Variants in MAMLD1 observed in about 807,000 individuals in gnomAD.
The protein encoded by MAMLD1 is mastermind like domain containing 1, also known as mastermind-like domain-containing protein 1.
In MAMLD1, 14 loss-of-function variants were observed where a neutral mutation model predicts 45.0. The ratio of observed to expected loss-of-function variants is 0.31; its 90% CI spans 0.21 to 0.49. The LOEUF (loss-of-function observed/expected upper bound fraction) is 0.49, where lower values mean the gene tolerates loss of function less well. Among genes scored for constraint, MAMLD1 ranks in the 20% least tolerant of loss-of-function variants. MAMLD1 has a pLI of 0.99. For synonymous variants in MAMLD1, 254 were observed against 247.8 expected (o/e 1.02, Z -0.24); for missense variants, 543 against 603.6 (o/e 0.90, Z 1.05).
At position 150,408,669 on chromosome X, in the gene MAMLD1, A is replaced by G. The variant is rs113237434; in HGVS notation, c.-63-36785A>G. Among the ~76,000 whole-genome samples the G allele has an allele frequency of 2.8e-3, 315 of 112,050 alleles. 1 individual carries two copies. The highest frequency in any genetic ancestry group is 9.6e-3 in the African/African-American group (296 of 30,781). On this transcript the variant is annotated intron_variant, in intron 1 of 7. Transcript: ENST00000370401. ...CCCTGTTGGTGTTACTTGAGTCCAA[A>G]TGTTGGCTTAGATGGTGTTTTCAGA...
intron 1 of MAMLD1, among the ~76,000 whole-genome samples, chrX:150,365,420 T>G (rs1476811865): frequency 8.9e-6 from 1 of 112,850 alleles, no homozygotes; most frequent in Non-Finnish European, 1.9e-5. Context: ...TGGACTGCAC[T>G]GCGAGCTGGC....
At chrX:150,482,021 AAAGAAAGAAAG>A (rs2036826937) in intron 5 of MAMLD1, among the ~76,000 whole-genome samples, 1 of 108,311 alleles carries the variant, frequency 9.2e-6, no homozygotes, top group African/African-American at 3.4e-5. Context: ...AGAAAGAAAG[AAAGAAAGAAAG>A]AATTGAAAGC....
chrX:150,440,414 G>A (rs1413214844), intron 1 of MAMLD1, among the ~76,000 whole-genome samples: 1 of 109,646 alleles, frequency 9.1e-6, no homozygotes, highest in Admixed American at 9.7e-5. Context: ...TTTTCTGTAG[G>A]ATATTATGTA....
intron 5 of MAMLD1, among the ~76,000 whole-genome samples, chrX:150,501,629 TTGGG>T (rs1370864111): frequency 2.7e-5 from 3 of 112,470 alleles, no homozygotes; most frequent in Admixed American, 9.4e-5. Flanking sequence ...TTGTTTTTGT[TTGGG>T]TTTTAGAGGG....
In MAMLD1 at chrX:150,371,176, C is replaced by T. The variant is rs782483486; in HGVS notation, c.-64+7646C>T. ...CACAGCCCAGTTGGAGCCTCCCAGACCCCCATTTCCTTGGTGGGCAGGTGG... is the reference window on the plus strand; with the variant it reads ...CACAGCCCAGTTGGAGCCTCCCAGATCCCCATTTCCTTGGTGGGCAGGTGG... On this transcript the variant is annotated intron_variant, in intron 1 of 7. Transcript: ENST00000370401. Among the ~76,000 whole-genome samples the T allele has an allele frequency of 4.5e-5, 5 of 111,650 alleles. No individual in the cohort carries two copies. In the South Asian group the frequency reaches 1.5e-3, roughly 34 times the overall value.
At chrX:150,434,292 CT>C (rs1244299031) in intron 1 of MAMLD1, among the ~76,000 whole-genome samples, 1 of 110,819 alleles carries the variant, frequency 9.0e-6, no homozygotes, top group Non-Finnish European at 1.9e-5. Flanking sequence ...GATCCTCTCT[CT>C]TTTTTTCTTT....
At chrX:150,473,362 T>G (rs1464147257) in intron 4 of MAMLD1, among the ~76,000 whole-genome samples, 2 of 112,432 alleles carry the variant, frequency 1.8e-5, no homozygotes, top group Non-Finnish European at 3.8e-5. Flanking sequence ...ATAAAGTGCT[T>G]GGCCAGAGAC....
intron 1 of MAMLD1, among the ~76,000 whole-genome samples, chrX:150,397,242 G>A (rs1028813361): frequency 2.7e-5 from 3 of 111,351 alleles, no homozygotes. Context: ...GTATCAAATT[G>A]TCTAGCAAAA....
intron 4 of MAMLD1, among the ~76,000 whole-genome samples, chrX:150,472,856 A>T (rs2036471307): frequency 8.9e-6 from 1 of 111,964 alleles, no homozygotes; most frequent in African/African-American, 3.2e-5. Flanking sequence ...CCTACACAGA[A>T]TACTCAGTCA....
At position 150,372,079 on chromosome X, in the gene MAMLD1, TGTG is replaced by T. The variant is rs782365327; in HGVS notation, c.-64+8552_-64+8554del. On this transcript the variant is annotated intron_variant, in intron 1 of 7. Transcript: ENST00000370401. ...GGCTTTCCTTTTGAGGCAGAGCAAA[TGTG>T]GTAAAAAGAAATGCAGCCAATGGAG... Among the ~76,000 whole-genome samples the T allele has an allele frequency of 1.3e-3, 145 of 111,630 alleles. 1 individual carries two copies. The highest frequency in any genetic ancestry group is 4.4e-3 in the African/African-American group (136 of 30,655).
intron 1 of MAMLD1, among the ~76,000 whole-genome samples, chrX:150,403,999 GAAA>G (rs2033930191): frequency 1.1e-4 from 6 of 56,508 alleles, no homozygotes; most frequent in African/African-American, 3.8e-4. Context: ...AAAGAAAGAA[GAAA>G]GGAAGGAAGA....
At chrX:150,486,038 A>G (rs2036973944) in intron 5 of MAMLD1, among the ~76,000 whole-genome samples, 1 of 112,051 alleles carries the variant, frequency 8.9e-6, no homozygotes, top group African/African-American at 3.2e-5. Flanking sequence ...AGCGCAGTTC[A>G]CACTGGCTTA....
chrX:150,397,393 G>T (rs1358881206), intron 1 of MAMLD1, among the ~76,000 whole-genome samples: 1 of 111,843 alleles, frequency 8.9e-6, no homozygotes, highest in Non-Finnish European at 1.9e-5. Context: ...GTCTACTTTT[G>T]CATCTTTCAG....
chrX:150,371,690 T>C (rs1435009589), intron 1 of MAMLD1, among the ~76,000 whole-genome samples: 7 of 112,322 alleles, frequency 6.2e-5, no homozygotes, highest in Non-Finnish European at 1.3e-4. Flanking sequence ...TATTTTTTCC[T>C]GCATTTGAAT....
At chrX:150,403,966 A>AAGAAAGAAAGAAAGAAAG (rs2033914083) in intron 1 of MAMLD1, among the ~76,000 whole-genome samples, 1 of 85,335 alleles carries the variant, frequency 1.2e-5, no homozygotes, top group Non-Finnish European at 2.4e-5. Flanking sequence ...GAAAGAAAGA[A>AAGAAAGAAAGAAAGAAAG]AGAAAGAAAG....
chrX:150,370,497 A>C (rs1557400963), intron 1 of MAMLD1, among the ~76,000 whole-genome samples: 2 of 111,894 alleles, frequency 1.8e-5, no homozygotes, highest in Admixed American at 9.4e-5. Context: ...ACAGTTAGTC[A>C]GGGGGTTGTC....
chrX:150,415,491 A>G (rs1432659831), intron 1 of MAMLD1, among the ~76,000 whole-genome samples: 1 of 112,667 alleles, frequency 8.9e-6, no homozygotes, highest in Non-Finnish European at 1.9e-5. Context: ...CCTTTTCTAC[A>G]ATTCTCTCAT....
chrX:150,481,949 GAAAGAAAGAAAGAAA>G (rs2036783629), intron 5 of MAMLD1, among the ~76,000 whole-genome samples: 1 of 77,795 alleles, frequency 1.3e-5, no homozygotes, highest in African/African-American at 5.8e-5. Flanking sequence ...AAAGAAAAAA[GAAAGAAAGAAAGAAA>G]AAAGAAAGAA....
intron 1 of MAMLD1, among the ~76,000 whole-genome samples, chrX:150,424,328 G>A (rs185273057): frequency 8.9e-6 from 1 of 112,590 alleles, no homozygotes; most frequent in Non-Finnish European, 1.9e-5. Context: ...ATGACGCCCA[G>A]ATGAGAGGGG....
Sources: gnomAD v4.1 joint callset for allele counts (sites outside exome capture counted in the v4.1 genomes callset) on GRCh38, gnomAD v4.1.1 for gene constraint, MANE v1.5 for transcripts, NCBI Gene and HGNC (gene_info 2026-07-23, HGNC 2026-07-21) for gene names.